The following EBF1 variants were observed in gnomAD, a reference collection of about 807,000 sequenced individuals.
The protein encoded by EBF1 is EBF transcription factor 1, also known as transcription factor COE1.
A neutral mutation model predicts 68.4 loss-of-function variants in EBF1; 10 were observed. The observed-to-expected ratio is 0.15, with a 90% CI of 0.09 to 0.25. EBF1 has a LOEUF of 0.25. EBF1 is among the 10% of genes least tolerant of loss of function. The probability of loss-of-function intolerance (pLI) is 1.00; values close to 1 mark genes in which losing one functional copy is unlikely to be tolerated. For missense variants in EBF1, 509 were observed against 794.4 expected, an observed-to-expected ratio of 0.64 and a Z score of 4.32; for synonymous variants, 298 against 299.8, an observed-to-expected ratio of 0.99 and a Z score of 0.06.
chr5:158,842,026 C>T (rs1790432730), intron 6 of EBF1, among the ~76,000 whole-genome samples: 1 of 152,238 alleles, frequency 6.6e-6, no homozygotes, highest in African/African-American at 2.4e-5. Flanking sequence ...CAGAACACCA[C>T]TGAAGCCCAG....
At chr5:159,015,065 C>A (rs1397352177) in intron 6 of EBF1, among the ~76,000 whole-genome samples, 1 of 152,218 alleles carries the variant, frequency 6.6e-6, no homozygotes, top group Non-Finnish European at 1.5e-5. Flanking sequence ...GAGGCTCCCT[C>A]ACTTGCAGCC....
At chr5:158,852,293 A>T (rs1793107651) in intron 6 of EBF1, among the ~76,000 whole-genome samples, 1 of 152,016 alleles carries the variant, frequency 6.6e-6, no homozygotes, top group Admixed American at 6.5e-5. Flanking sequence ...TTAAATAATC[A>T]TTACCCTTTT....
intron 7 of EBF1, among the ~76,000 whole-genome samples, chr5:158,838,719 A>G (rs1018599595): frequency 1.2e-4 from 18 of 152,108 alleles, no homozygotes; most frequent in African/African-American, 3.4e-4. Context: ...TGCAGCTAAA[A>G]TTTTTCAAGA....
chr5:158,929,876 C>A (rs376572584), intron 6 of EBF1, among the ~76,000 whole-genome samples: 1 of 152,188 alleles, frequency 6.6e-6, no homozygotes, highest in Non-Finnish European at 1.5e-5. Flanking sequence ...GCAACCTCTG[C>A]GATTTATCAC....
chr5:159,051,203 C>CT (rs879636963), intron 6 of EBF1, among the ~76,000 whole-genome samples: 36 of 148,756 alleles, frequency 2.4e-4, no homozygotes, highest in African/African-American at 5.9e-4. Flanking sequence ...CAAAGGGTTC[C>CT]TTTTTTTTTT....
intron 8 of EBF1, among the ~76,000 whole-genome samples, chr5:158,802,164 C>T (rs913482662): frequency 2.6e-5 from 4 of 152,094 alleles, no homozygotes; most frequent in Non-Finnish European, 5.9e-5. Context: ...TGAAATCTCT[C>T]TGTGCTGTGA....
chr5:158,951,753 A>G (rs1816053224), intron 6 of EBF1, among the ~76,000 whole-genome samples: 1 of 152,206 alleles, frequency 6.6e-6, no homozygotes, highest in African/African-American at 2.4e-5. Flanking sequence ...AAAAAAAGCC[A>G]GTCCTCTTCT....
chr5:158,699,039 G>GGACTT lies in EBF1; in HGVS notation c.*67_*71dup. The GGACTT allele has an allele frequency of 7.1e-7, 1 of 1,416,814 alleles. No homozygotes were observed. Among genetic ancestry groups the GGACTT allele is most frequent in the South Asian group, 1.4e-5 (1 of 69,506 alleles). The allele number at this position is 1,416,814 out of a possible 1,614,324, so 87.8% of individuals were successfully genotyped here. ...GGCCTGAGTTAAAAGTTCCACTCTGGGACTTGTATCAGATTACTCTCTGTA... is the reference window on the plus strand; with the variant it reads ...GGCCTGAGTTAAAAGTTCCACTCTGGGACTTGACTTGTATCAGATTACTCTCTGTA... On this transcript the variant is annotated 3_prime_UTR_variant, in exon 16 of 16. Coordinates refer to ENST00000313708, the MANE Select transcript of EBF1 (RefSeq NM_024007.5).
intron 9 of EBF1, among the ~76,000 whole-genome samples, chr5:158,784,195 C>G (rs1166998602): frequency 6.6e-6 from 1 of 152,132 alleles, no homozygotes; most frequent in Non-Finnish European, 1.5e-5. Flanking sequence ...TGATTATTAG[C>G]TGGTTCATAG....
intron 6 of EBF1, among the ~76,000 whole-genome samples, chr5:158,933,171 C>T (rs1269285320): frequency 2.0e-5 from 3 of 151,406 alleles, no homozygotes; most frequent in African/African-American, 7.3e-5. Context: ...AAATTCAAAG[C>T]AAACTGGGAG....
At chr5:158,763,619 G>A (rs948133489) in intron 10 of EBF1, among the ~76,000 whole-genome samples, 9 of 152,076 alleles carry the variant, frequency 5.9e-5, no homozygotes, top group Non-Finnish European at 8.8e-5. Flanking sequence ...GGAATTAAGC[G>A]TCTATACCAC....
At position 158,740,767 on chromosome 5, in the gene EBF1, A is replaced by G. The variant is rs1486206637; in HGVS notation, c.1037-9610T>C. 3.3e-5 allele frequency among the ~76,000 whole-genome samples: 5 copies of G among 152,308 alleles called. No homozygotes were observed. In the East Asian group the frequency reaches 9.6e-4, roughly 29 times the overall value. The stretch of plus-strand genomic sequence containing the variant: ...CAGTATTGACCTAACCTAAATGATT[A>G]TTTTTGCTGAGCATCTTGATCCTAA... On this transcript the variant is annotated intron_variant, in intron 10 of 15. Transcript: ENST00000313708.
chr5:158,878,786 GGGAT>G (rs1265767852), intron 6 of EBF1, among the ~76,000 whole-genome samples: 2 of 151,996 alleles, frequency 1.3e-5, no homozygotes, highest in Non-Finnish European at 2.9e-5. Context: ...TGGGATTACA[GGGAT>G]GTGCCACGGT....
intron 10 of EBF1, among the ~76,000 whole-genome samples, chr5:158,748,298 GT>G (rs1235794194): frequency 6.6e-6 from 1 of 152,140 alleles, no homozygotes; most frequent in Non-Finnish European, 1.5e-5. Context: ...CGTCCAGCTT[GT>G]TTAATCTCAA....
At chr5:158,901,867 G>A (rs1803432644) in intron 6 of EBF1, among the ~76,000 whole-genome samples, 1 of 152,192 alleles carries the variant, frequency 6.6e-6, no homozygotes, top group South Asian at 2.1e-4. Flanking sequence ...AAGGCAGGTG[G>A]ATCACTTGAG....
chr5:158,894,394 G>GTAAAA, intron 6 of EBF1, among the ~76,000 whole-genome samples: 1 of 151,882 alleles, frequency 6.6e-6, no homozygotes, highest in South Asian at 2.1e-4. Flanking sequence ...AAAATAGAAG[G>GTAAAA]CAGATAAATA....
intron 6 of EBF1, among the ~76,000 whole-genome samples, chr5:158,854,703 T>C (rs527522988): frequency 1.3e-5 from 2 of 152,292 alleles, no homozygotes; most frequent in South Asian, 4.2e-4. Flanking sequence ...GACTGTGGCC[T>C]CAAAAGTCAG....
chr5:158,875,056 TACACACAC>T (rs3035121), intron 6 of EBF1, among the ~76,000 whole-genome samples: 11 of 147,302 alleles, frequency 7.5e-5, no homozygotes, highest in Admixed American at 1.4e-4. Context: ...CACACACACA[TACACACAC>T]ACACACACAC....
At chr5:159,089,332 C>A (rs1781224942) in intron 4 of EBF1, among the ~76,000 whole-genome samples, 1 of 152,102 alleles carries the variant, frequency 6.6e-6, no homozygotes, top group African/African-American at 2.4e-5. Flanking sequence ...ATAAAGTAAC[C>A]TGTAATATCT....
Sources: allele counts gnomAD v4.1 joint callset (sites outside exome capture counted in the v4.1 genomes callset), GRCh38; gene constraint gnomAD v4.1.1; transcripts MANE v1.5; gene names NCBI Gene and HGNC (gene_info 2026-07-23, HGNC 2026-07-21).